Variants in CLCN3 observed in about 807,000 individuals in gnomAD.
CLCN3 encodes the protein Cl-/H+ antiporter 3.
Under a neutral mutation model 83.4 loss-of-function variants are expected in CLCN3, and 16 were observed. The observed-to-expected ratio is 0.19, with a 90% CI of 0.13 to 0.29. CLCN3 has a LOEUF of 0.29. Ranked by LOEUF, CLCN3 falls within the 10% of genes least tolerant of loss-of-function variation. CLCN3 has a pLI of 1.00. For missense variants in CLCN3, 544 were observed against 1,006.0 expected (o/e 0.54, Z 6.21); for synonymous variants, 322 against 346.2 (o/e 0.93, Z 0.78).
intron 2 of CLCN3, among the ~76,000 whole-genome samples, chr4:169,667,020 G>T (rs1393391795): frequency 6.6e-6 from 1 of 152,136 alleles, no homozygotes; most frequent in Non-Finnish European, 1.5e-5. Context: ...TTCTGATGTA[G>T]TTCAGTTTAT....
chr4:169,706,858 C>G lies in CLCN3; in HGVS notation c.1751-10C>G. 6.2e-7 allele frequency: 1 copy of G among 1,603,956 alleles called. No individual in the cohort carries two copies. The highest frequency in any genetic ancestry group is 8.5e-7 in the Non-Finnish European group (1 of 1,172,654). Reference sequence around the variant, plus strand: ...GTCCTTCCTGACCAGTGGGTGCTTACTTTTTTCAGGTGGTGTGACAAGAAT... The same window carrying G: ...GTCCTTCCTGACCAGTGGGTGCTTAGTTTTTTCAGGTGGTGTGACAAGAAT... On this transcript the variant is annotated splice_polypyrimidine_tract_variant and intron_variant, in intron 10 of 12. Transcript: ENST00000513761.
At position 169,721,427 on chromosome 4, in the gene CLCN3, C is replaced by T. The variant is rs553562011; in HGVS notation, c.*1430C>T. Reference sequence around the variant, plus strand: ...TCTGGATTATGTCTTCTGACCTGTCCATTTTGACCCATTAACTGGAAAGTT... The same window carrying T: ...TCTGGATTATGTCTTCTGACCTGTCTATTTTGACCCATTAACTGGAAAGTT... On this transcript the variant is annotated 3_prime_UTR_variant, in exon 13 of 13. Coordinates refer to ENST00000513761, the MANE Select transcript of CLCN3 (RefSeq NM_001829.4). 6.6e-6 allele frequency: 1 copy of T among 152,182 alleles called. No homozygotes were observed. Among genetic ancestry groups the T allele is most frequent in the African/African-American group, 2.4e-5 (1 of 41,528 alleles). 9.4% of individuals were successfully genotyped at this position (152,182 alleles called of 1,614,324 possible).
intron 8 of CLCN3, among the ~76,000 whole-genome samples, chr4:169,696,568 CTT>C (rs1208075468): frequency 1.1e-4 from 17 of 152,016 alleles, no homozygotes; most frequent in Admixed American, 1.0e-3. Flanking sequence ...TTAAAATCCT[CTT>C]TTAGCTATTT....
chr4:169,680,536 T>G, intron 3 of CLCN3: 1 of 205,186 alleles, frequency 4.9e-6, no homozygotes, highest in Non-Finnish European at 9.6e-6. Context: ...AGCATGATTT[T>G]GGGCTTTGAG....
intron 2 of CLCN3, among the ~76,000 whole-genome samples, chr4:169,640,934 G>A (rs768015049): frequency 7.9e-5 from 12 of 152,014 alleles, no homozygotes; most frequent in South Asian, 2.1e-4. Flanking sequence ...AAATTTAGGC[G>A]CCTATATCCT....
intron 11 of CLCN3, among the ~76,000 whole-genome samples, chr4:169,712,127 T>C (rs1477457991): frequency 6.6e-6 from 1 of 151,036 alleles, no homozygotes; most frequent in Non-Finnish European, 1.5e-5. Context: ...CCTCCCAAAG[T>C]GTTAGGATTA....
intron 2 of CLCN3, among the ~76,000 whole-genome samples, chr4:169,673,785 G>A (rs1194903246): frequency 6.6e-6 from 1 of 151,958 alleles, no homozygotes; most frequent in African/African-American, 2.4e-5. Flanking sequence ...TACCACATTT[G>A]TTCATTATGT....
At chr4:169,676,104 A>T (rs1171572286) in intron 2 of CLCN3, among the ~76,000 whole-genome samples, 1 of 152,188 alleles carries the variant, frequency 6.6e-6, no homozygotes, top group African/African-American at 2.4e-5. Context: ...TATTCTGTGT[A>T]TTACTGTATA....
intron 3 of CLCN3, among the ~76,000 whole-genome samples, chr4:169,686,993 C>A (rs1415221513): frequency 1.3e-5 from 2 of 152,132 alleles, no homozygotes; most frequent in Non-Finnish European, 2.9e-5. Flanking sequence ...TATTAAAAGG[C>A]CTATAAGTTT....
At chr4:169,704,861 T>A (rs960602697) in intron 10 of CLCN3, among the ~76,000 whole-genome samples, 19 of 152,180 alleles carry the variant, frequency 1.2e-4, no homozygotes, top group Non-Finnish European at 2.2e-4. Flanking sequence ...TGAATAAAAA[T>A]TATGTGATTA....
chr4:169,672,932 G>A (rs549513939), intron 2 of CLCN3, among the ~76,000 whole-genome samples: 5 of 152,216 alleles, frequency 3.3e-5, no homozygotes, highest in Admixed American at 2.0e-4. Flanking sequence ...CAAAGTGCTG[G>A]GATTACAAGC....
chr4:169,644,519 G>A (rs990757059), intron 2 of CLCN3, among the ~76,000 whole-genome samples: 15 of 152,152 alleles, frequency 9.9e-5, no homozygotes, highest in African/African-American at 3.4e-4. Context: ...TGGGATTACA[G>A]GCGTGAGCCA....
chr4:169,715,618 T>G (rs1287764139), intron 12 of CLCN3, among the ~76,000 whole-genome samples: 1 of 152,074 alleles, frequency 6.6e-6, no homozygotes, highest in African/African-American at 2.4e-5. Context: ...TTTTTAGAAG[T>G]GGAAAATAGT....
chr4:169,649,446 G>A (rs1044832353), intron 2 of CLCN3, among the ~76,000 whole-genome samples: 2 of 152,194 alleles, frequency 1.3e-5, no homozygotes, highest in Non-Finnish European at 2.9e-5. Flanking sequence ...TGAGAGTATG[G>A]AGGTAAATAT....
intron 2 of CLCN3, among the ~76,000 whole-genome samples, chr4:169,676,550 T>C (rs1313143995): frequency 1.3e-5 from 2 of 151,862 alleles, no homozygotes; most frequent in Admixed American, 1.3e-4. Context: ...CTTGGCCCGG[T>C]TGAAATGCAG....
chr4:169,634,327 A>G (rs1375842251), intron 1 of CLCN3, among the ~76,000 whole-genome samples: 1 of 152,252 alleles, frequency 6.6e-6, no homozygotes, highest in Non-Finnish European at 1.5e-5. Context: ...AAAGAAATAA[A>G]AACAGAGTGT....
chr4:169,718,817 A>ATAT (rs1733524048), intron 12 of CLCN3, among the ~76,000 whole-genome samples: 1 of 152,300 alleles, frequency 6.6e-6, no homozygotes, highest in African/African-American at 2.4e-5. Context: ...ACTAACCAGA[A>ATAT]TATTATCGTA....
intron 1 of CLCN3, among the ~76,000 whole-genome samples, chr4:169,631,987 T>G (rs1773383836): frequency 6.6e-6 from 1 of 152,174 alleles, no homozygotes; most frequent in Admixed American, 6.5e-5. Flanking sequence ...TTCTATCAGA[T>G]GTACAAAGAA....
intron 2 of CLCN3, among the ~76,000 whole-genome samples, chr4:169,675,963 T>A (rs1731659649): frequency 6.6e-6 from 1 of 152,208 alleles, no homozygotes; most frequent in Non-Finnish European, 1.5e-5. Flanking sequence ...GTGTGTGTGC[T>A]TATACATATA....
Sources: allele counts gnomAD v4.1 joint callset (sites outside exome capture counted in the v4.1 genomes callset), GRCh38; gene constraint gnomAD v4.1.1; transcripts MANE v1.5; gene names NCBI Gene and HGNC (gene_info 2026-07-23, HGNC 2026-07-21).